FAM171A1: variants seen among roughly 807,000 people sequenced by gnomAD.
FAM171A1 encodes the protein protein FAM171A1.
Under a neutral mutation model 74.9 loss-of-function variants are expected in FAM171A1, and 23 were observed. The ratio of observed to expected loss-of-function variants is 0.31; its 90% CI spans 0.22 to 0.44. FAM171A1 has a LOEUF of 0.44. Among genes scored for constraint, FAM171A1 ranks in the 20% least tolerant of loss-of-function variants. FAM171A1 has a pLI of 1.00. For missense variants in FAM171A1, 1,162 were observed against 1,159.2 expected, an observed-to-expected ratio of 1.00 and a Z score of -0.03; for synonymous variants, 527 against 505.7, an observed-to-expected ratio of 1.04 and a Z score of -0.57.
intron 3 of FAM171A1, among the ~76,000 whole-genome samples, chr10:15,271,852 T>G (rs536228168): frequency 2.0e-5 from 3 of 152,058 alleles, no homozygotes; most frequent in African/African-American, 7.2e-5. Context: ...TTTGTCACCA[T>G]CAGGCCTGCC....
At chr10:15,250,706 G>A (rs747072401) in intron 4 of FAM171A1, among the ~76,000 whole-genome samples, 13 of 152,186 alleles carry the variant, frequency 8.5e-5, no homozygotes, top group Non-Finnish European at 1.9e-4. Flanking sequence ...GCTGCAGTGA[G>A]CTATGATCAC....
chr10:15,214,568 T>G lies in FAM171A1; in HGVS notation c.1020A>C (p.Arg340Ser). The G allele has an allele frequency of 1.2e-6, 2 of 1,611,102 alleles. No individual in the cohort carries two copies. Among genetic ancestry groups the G allele is most frequent in the South Asian group, 1.1e-5 (1 of 90,654 alleles). The change falls in exon 8 of 8, where the codon AGA becomes AGC. Residue 340 changes from arginine to serine, a missense_variant. Arg to Ser is a moderately radical substitution (Grantham distance 110). Transcript: ENST00000378116. ...RKCLKPRQHH[R>S]KLQLPAGLES... ...CCAGTCCTGCAGGGAGCTGCAGTTT[T>G]CTGTGGTGCTGACGAGGTTTCAAGC...
rs138650662 is a variant in FAM171A1 at position 15,232,237 on chromosome 10, G to A, written c.755-11177C>T. ...TTGCTGCCAGGGATGTCCTGTCCCC[G>A]AGATAAGCCCACGTTAGGATTCTGG... On this transcript the variant is annotated intron_variant, in intron 5 of 7. Transcript: ENST00000378116. Among the ~76,000 whole-genome samples the A allele has an allele frequency of 3.3e-5, 5 of 152,256 alleles. No individual in the cohort carries two copies. In the East Asian group the frequency reaches 7.7e-4, roughly 23 times the overall value.
chr10:15,309,151 C>T (rs1174964708), intron 1 of FAM171A1, among the ~76,000 whole-genome samples: 3 of 152,132 alleles, frequency 2.0e-5, no homozygotes, highest in Non-Finnish European at 2.9e-5. Context: ...AATGGATGTA[C>T]ATAACATAAA....
intron 1 of FAM171A1, among the ~76,000 whole-genome samples, chr10:15,356,221 T>C (rs1031987548): frequency 8.0e-5 from 12 of 149,352 alleles, no homozygotes; most frequent in South Asian, 4.2e-4. Context: ...CATACATACA[T>C]ATATATATAT....
At chr10:15,321,381 A>G (rs975681640) in intron 1 of FAM171A1, among the ~76,000 whole-genome samples, 4 of 152,208 alleles carry the variant, frequency 2.6e-5, no homozygotes, top group African/African-American at 9.6e-5. Flanking sequence ...TCCCATTCCT[A>G]GAAGGATACC....
rs756573118 is a variant in FAM171A1 at position 15,214,376 on chromosome 10, C to G, written c.1212G>C (p.Pro404=). The G allele has an allele frequency of 2.5e-6, 4 of 1,613,210 alleles. No homozygotes were observed. The highest frequency in any genetic ancestry group is 1.1e-5 in the South Asian group (1 of 90,960). ...MSGVHLEMMS[P]GGEGDLHTPM... The stretch of plus-strand genomic sequence containing the variant: ...GGGTGTGCAGGTCCCCTTCGCCGCC[C>G]GGAGACATCATTTCCAAATGGACTC... Residue 404 remains proline, a synonymous_variant, in exon 8 of 8, where the codon CCG becomes CCC. Coordinates refer to ENST00000378116, the MANE Select transcript of FAM171A1 (RefSeq NM_001010924.2).
chr10:15,306,807 G>C (rs140879102), intron 1 of FAM171A1, among the ~76,000 whole-genome samples: 511 of 152,320 alleles, frequency 3.4e-3, no homozygotes, highest in African/African-American at 0.012. Flanking sequence ...AGAAGCAGCA[G>C]TTCCATCCAG....
At chr10:15,286,933 C>A (rs1160023714) in intron 1 of FAM171A1, among the ~76,000 whole-genome samples, 1 of 152,030 alleles carries the variant, frequency 6.6e-6, no homozygotes, top group Non-Finnish European at 1.5e-5. Context: ...CTACAGAAAC[C>A]AATCTTGGCT....
chr10:15,338,288 G>A (rs920412742), intron 1 of FAM171A1, among the ~76,000 whole-genome samples: 3 of 152,104 alleles, frequency 2.0e-5, no homozygotes, highest in African/African-American at 7.2e-5. Context: ...ACCGGGAAGA[G>A]TTGAGAAAAG....
chr10:15,365,438 A>T (rs1836048170), intron 1 of FAM171A1, among the ~76,000 whole-genome samples: 1 of 152,196 alleles, frequency 6.6e-6, no homozygotes, highest in Admixed American at 6.5e-5. Context: ...TAATTCCCAG[A>T]ATTTGCAAAG....
intron 5 of FAM171A1, among the ~76,000 whole-genome samples, chr10:15,224,297 TG>T (rs1252566202): frequency 6.6e-6 from 1 of 151,842 alleles, no homozygotes; most frequent in East Asian, 1.9e-4. Flanking sequence ...AAGATGGAAG[TG>T]GGGATGGGAG....
chr10:15,268,524 C>A (rs1235551590), intron 3 of FAM171A1, among the ~76,000 whole-genome samples: 3 of 151,958 alleles, frequency 2.0e-5, no homozygotes, highest in Non-Finnish European at 4.4e-5. Flanking sequence ...CCAAAAATAT[C>A]AAGCTCTATG....
chr10:15,220,944 C>T lies in FAM171A1; in HGVS notation c.871G>A (p.Gly291Ser), dbSNP rs1834029577. ...WVAAMSPPIPGPVVTQDITTY... is the reference protein window; with the variant it reads ...WVAAMSPPIPSPVVTQDITTY... ...ATCGCAAGTGTTGGCTCCGTGTTAC[C>T]TGGGATGGGAGGGGACATGGCGGCC... The change falls in exon 6 of 8, where the codon GGT becomes AGT. Residue 291 changes from glycine to serine, a missense_variant and splice_region_variant. Gly to Ser is a moderately conservative substitution (Grantham distance 56, BLOSUM62 0). Coordinates refer to ENST00000378116, the MANE Select transcript of FAM171A1 (RefSeq NM_001010924.2). 2 of 1,611,834 alleles carry T rather than the reference C, an allele frequency of 1.2e-6. No individual in the cohort carries two copies. Among genetic ancestry groups the T allele is most frequent in the Non-Finnish European group, 1.7e-6 (2 of 1,178,508 alleles).
chr10:15,329,171 G>C (rs1014522564), intron 1 of FAM171A1, among the ~76,000 whole-genome samples: 1 of 152,166 alleles, frequency 6.6e-6, no homozygotes, highest in Non-Finnish European at 1.5e-5. Flanking sequence ...ATTTTTAGTA[G>C]ATATTCATGT....
intron 1 of FAM171A1, among the ~76,000 whole-genome samples, chr10:15,304,884 G>A (rs1835274928): frequency 6.6e-6 from 1 of 152,134 alleles, no homozygotes; most frequent in East Asian, 1.9e-4. Flanking sequence ...TTCCAGGCAT[G>A]CGCCACCACG....
chr10:15,220,962 T>C lies in FAM171A1; in HGVS notation c.853A>G (p.Met285Val). 6.2e-7 allele frequency: 1 copy of C among 1,613,764 alleles called. No homozygotes were observed. Among genetic ancestry groups the C allele is most frequent in the Non-Finnish European group, 8.5e-7 (1 of 1,179,860 alleles). Residue 285 changes from methionine (M) to valine (V), a missense_variant, in exon 6 of 8, where the codon ATG becomes GTG. Physicochemically the swap from Met to Val is conservative, Grantham distance 21. Coordinates refer to ENST00000378116, the MANE Select transcript of FAM171A1 (RefSeq NM_001010924.2). ...GTGTTACCTGGGATGGGAGGGGACA[T>C]GGCGGCCACCCAGTACCCCAACTGG... ...APQLGYWVAA[M>V]SPPIPGPVVT...
intron 1 of FAM171A1, among the ~76,000 whole-genome samples, chr10:15,310,107 A>T (rs1345782490): frequency 6.6e-6 from 1 of 152,210 alleles, no homozygotes; most frequent in Non-Finnish European, 1.5e-5. Flanking sequence ...TCAAAAACCA[A>T]ATATATAAAA....
At chr10:15,283,007 T>C (rs568812246) in intron 2 of FAM171A1, among the ~76,000 whole-genome samples, 1 of 152,334 alleles carries the variant, frequency 6.6e-6, no homozygotes, top group South Asian at 2.1e-4. Flanking sequence ...GCTCACTTGG[T>C]GTCCCAGCAG....
Sources: allele counts gnomAD v4.1 joint callset (sites outside exome capture counted in the v4.1 genomes callset), GRCh38; gene constraint gnomAD v4.1.1; transcripts MANE v1.5; gene names NCBI Gene and HGNC (gene_info 2026-07-23, HGNC 2026-07-21).